Variants in TRAPPC12 observed in about 807,000 individuals in gnomAD.
The protein encoded by TRAPPC12 is TPR repeat protein 15.
In TRAPPC12, 61 loss-of-function variants were observed where a neutral mutation model predicts 69.2. The ratio of observed to expected loss-of-function variants is 0.88; its 90% CI spans 0.72 to 1.09. The LOEUF (loss-of-function observed/expected upper bound fraction) is 1.09, where lower values mean the gene tolerates loss of function less well. Ranked by LOEUF, TRAPPC12 falls within the 50% of genes least tolerant of loss-of-function variation. The probability of loss-of-function intolerance (pLI) is 0.00; values close to 1 mark genes in which losing one functional copy is unlikely to be tolerated. For synonymous variants in TRAPPC12, 469 were observed against 438.9 expected, an observed-to-expected ratio of 1.07 and a Z score of -0.86; for missense variants, 1,101 against 1,016.4, an observed-to-expected ratio of 1.08 and a Z score of -1.13.
In TRAPPC12 at chr2:3,431,462, A is replaced by G. The variant is rs1364218554; in HGVS notation, c.1417+6799A>G. Among the ~76,000 whole-genome samples, 36 of 152,222 alleles carry G rather than the reference A, an allele frequency of 2.4e-4. 1 individual carries two copies. The highest frequency in any genetic ancestry group is 2.4e-3 in the Admixed American group (36 of 15,284). ...GTATTTTTGTTTTTGTTTGTCTTAA[A>G]TGTTGATAACTTCATAATAACTATT... is the stretch of plus-strand genomic sequence containing the variant. On this transcript the variant is annotated intron_variant, in intron 5 of 11. Coordinates refer to ENST00000324266, the MANE Select transcript of TRAPPC12 (RefSeq NM_016030.6).
intron 3 of TRAPPC12, among the ~76,000 whole-genome samples, chr2:3,406,035 G>A (rs541520279): frequency 4.1e-4 from 63 of 152,050 alleles, no homozygotes; most frequent in Non-Finnish European, 8.4e-4. Context: ...CAGGCCTCTT[G>A]CCCCAGAGCA....
At chr2:3,435,822 T>C (rs897406961) in intron 5 of TRAPPC12, among the ~76,000 whole-genome samples, 23 of 152,226 alleles carry the variant, frequency 1.5e-4, no homozygotes, top group African/African-American at 5.3e-4. Context: ...TCCTGTGTGA[T>C]ATGTAATGAA....
intron 1 of TRAPPC12, among the ~76,000 whole-genome samples, chr2:3,382,807 C>T (rs1406486177): frequency 6.6e-6 from 1 of 152,152 alleles, no homozygotes; most frequent in Non-Finnish European, 1.5e-5. Context: ...ACCTGTAGTC[C>T]CAGCTACTCC....
intron 3 of TRAPPC12, among the ~76,000 whole-genome samples, chr2:3,404,477 G>A (rs893896767): frequency 1.3e-5 from 2 of 152,042 alleles, no homozygotes; most frequent in Non-Finnish European, 2.9e-5. Context: ...TGCCCAAAAA[G>A]CCTGTTTTTG....
chr2:3,429,477 G>A (rs1040747679), intron 5 of TRAPPC12, among the ~76,000 whole-genome samples: 3 of 152,148 alleles, frequency 2.0e-5, no homozygotes, highest in South Asian at 2.1e-4. Context: ...AAAAAGATAA[G>A]TATATCTTAA....
At chr2:3,478,741 G>C in intron 10 of TRAPPC12, 105 bp from the exon 11 acceptor site, 1 of 951,654 alleles carries the variant, frequency 1.1e-6, no homozygotes, top group Non-Finnish European at 1.6e-6. Context: ...GCCACACAGG[G>C]CCATACGCTG....
chr2:3,387,393 A>G (rs1233761423), intron 1 of TRAPPC12, among the ~76,000 whole-genome samples: 1 of 152,212 alleles, frequency 6.6e-6, no homozygotes, highest in East Asian at 1.9e-4. Context: ...TAGTTTTGCA[A>G]GATAAAAAGT....
At chr2:3,389,724 G>C (rs1660716625) in intron 2 of TRAPPC12, 4 of 471,046 alleles carry the variant, frequency 8.5e-6, no homozygotes, top group Non-Finnish European at 1.8e-5. Context: ...ACTCCGCGGA[G>C]TCCTGAGTTC....
At chr2:3,389,169 GAC>G (rs532826130) in intron 2 of TRAPPC12, among the ~76,000 whole-genome samples, 198 of 152,330 alleles carry the variant, frequency 1.3e-3, no homozygotes, top group African/African-American at 4.7e-3. Flanking sequence ...ACTAATGAAA[GAC>G]AATTGATGCA....
chr2:3,421,871 T>C lies in TRAPPC12; in HGVS notation c.1165-10T>C. ...GTGTGTTTGGTCACATGTTCTGCCG[T>C]GTCTTGCAGAGCTGCAGAAACTGGA... On this transcript the variant is annotated splice_polypyrimidine_tract_variant and intron_variant, in intron 3 of 11. Coordinates refer to ENST00000324266, the MANE Select transcript of TRAPPC12 (RefSeq NM_016030.6). The C allele has an allele frequency of 6.2e-7, 1 of 1,611,374 alleles. No homozygotes were observed.
intron 6 of TRAPPC12, among the ~76,000 whole-genome samples, chr2:3,447,393 T>C (rs764942990): frequency 1.3e-5 from 2 of 152,152 alleles, no homozygotes; most frequent in African/African-American, 2.4e-5. Context: ...CCACTGCGCC[T>C]GGCCAGGAAG....
intron 7 of TRAPPC12, chr2:3,458,510 T>C: frequency 2.1e-6 from 2 of 948,880 alleles, no homozygotes; most frequent in Non-Finnish European, 2.5e-6. Flanking sequence ...GCTGAACGTG[T>C]GTGAGGTGTG....
At chr2:3,435,378 T>G (rs535238374) in intron 5 of TRAPPC12, among the ~76,000 whole-genome samples, 1 of 152,318 alleles carries the variant, frequency 6.6e-6, no homozygotes, top group Admixed American at 6.5e-5. Context: ...TTAAATAACA[T>G]TAACATTTTT....
chr2:3,432,113 G>T (rs577856212), intron 5 of TRAPPC12, among the ~76,000 whole-genome samples: 25 of 152,322 alleles, frequency 1.6e-4, no homozygotes, highest in Admixed American at 1.4e-3. Context: ...TCTTCCCGCT[G>T]GAAATAAAGC....
chr2:3,442,539 C>G (rs1207137403), intron 5 of TRAPPC12, among the ~76,000 whole-genome samples: 1 of 152,162 alleles, frequency 6.6e-6, no homozygotes, highest in African/African-American at 2.4e-5. Flanking sequence ...GCCAGATATT[C>G]TCTTGAGATA....
chr2:3,465,226 C>T (rs367794172), intron 8 of TRAPPC12, among the ~76,000 whole-genome samples: 15 of 152,334 alleles, frequency 9.8e-5, no homozygotes, highest in African/African-American at 2.9e-4. Context: ...AGACAGCGTT[C>T]GCCAACTCAC....
intron 2 of TRAPPC12, among the ~76,000 whole-genome samples, chr2:3,391,224 G>A (rs904175948): frequency 3.9e-5 from 6 of 152,100 alleles, no homozygotes; most frequent in South Asian, 2.1e-4. Context: ...GATCCTGTGC[G>A]TGTCTGTCTT....
chr2:3,471,317 C>T (rs972864354), intron 9 of TRAPPC12, among the ~76,000 whole-genome samples: 1 of 152,176 alleles, frequency 6.6e-6, no homozygotes, highest in Non-Finnish European at 1.5e-5. Context: ...CAGAATTGTA[C>T]TTGGGGTTTA....
intron 8 of TRAPPC12, among the ~76,000 whole-genome samples, chr2:3,465,037 C>T (rs548386071): frequency 7.2e-5 from 11 of 152,366 alleles, no homozygotes; most frequent in South Asian, 4.1e-4. Flanking sequence ...TCATGCGTGC[C>T]GCACGGAGCA....
Sources: gnomAD v4.1 joint callset for allele counts (sites outside exome capture counted in the v4.1 genomes callset) on GRCh38, gnomAD v4.1.1 for gene constraint, MANE v1.5 for transcripts, NCBI Gene and HGNC (gene_info 2026-07-23, HGNC 2026-07-21) for gene names.